KCNK9: variants seen among roughly 807,000 people sequenced by gnomAD.
The protein encoded by KCNK9 is potassium channel subfamily K member 9.
In KCNK9, 1 loss-of-function variant was observed where a neutral mutation model predicts 10.8. That is an observed-to-expected ratio of 0.09 (90% confidence interval 0.03 to 0.44). The LOEUF is 0.44. Among genes scored for constraint, KCNK9 ranks in the 20% least tolerant of loss-of-function variants. The pLI is 0.97. For synonymous variants in KCNK9, 231 were observed against 222.7 expected (o/e 1.04, Z -0.33); for missense variants, 303 against 515.0 (o/e 0.59, Z 3.98).
chr8:139,635,339 G>A (rs540360949), intron 1 of KCNK9, among the ~76,000 whole-genome samples: 2 of 152,382 alleles, frequency 1.3e-5, no homozygotes, highest in African/African-American at 4.8e-5. Context: ...TTCTACATGT[G>A]ACATAGCAGC....
intron 1 of KCNK9, among the ~76,000 whole-genome samples, chr8:139,671,389 G>A (rs1366142225): frequency 6.6e-6 from 1 of 152,236 alleles, no homozygotes; most frequent in African/African-American, 2.4e-5. Flanking sequence ...CCCAGAGGAG[G>A]TGAGAGACGC....
At chr8:139,638,563 G>A (rs1263927341) in intron 1 of KCNK9, among the ~76,000 whole-genome samples, 2 of 152,220 alleles carry the variant, frequency 1.3e-5, no homozygotes, top group African/African-American at 2.4e-5. Flanking sequence ...GGGCACACGG[G>A]CTACTGCAGG....
intron 1 of KCNK9, among the ~76,000 whole-genome samples, chr8:139,647,954 T>G (rs1295138328): frequency 6.6e-6 from 1 of 151,896 alleles, no homozygotes; most frequent in Non-Finnish European, 1.5e-5. Flanking sequence ...CCCAAAGAAA[T>G]GGAAAACAGG....
At chr8:139,607,960 C>T (rs553162629), downstream of KCNK9, among the ~76,000 whole-genome samples, 1 of 152,168 alleles carries the variant, frequency 6.6e-6, no homozygotes, top group South Asian at 2.1e-4. Flanking sequence ...GGGAAAGGAA[C>T]CAGGGTTGGG....
intron 1 of KCNK9, among the ~76,000 whole-genome samples, chr8:139,625,725 G>GAAA (rs113414842): frequency 4.4e-5 from 6 of 137,020 alleles, no homozygotes; most frequent in Non-Finnish European, 6.4e-5. Context: ...AACAAAACAG[G>GAAA]AAAAAAAAAA....
chr8:139,619,250 T>C, intron 1 of KCNK9, 151 bp from the exon 2 acceptor site: 2 of 838,872 alleles, frequency 2.4e-6, no homozygotes, highest in Non-Finnish European at 3.7e-6. Context: ...GGCGTGGCCA[T>C]ATATTGGAGG....
At position 139,677,773 on chromosome 8, in the gene KCNK9, T is replaced by C. The variant is rs1156906808; in HGVS notation, c.283+24937A>G. ...AGTAATACCTCACATCTGATCCCAA[T>C]GTGTCCCCATGGCTGCAGAGTAATA... On this transcript the variant is annotated intron_variant, in intron 1 of 1. Transcript: ENST00000520439. Among the ~76,000 whole-genome samples, 465 of 137,202 alleles carry C rather than the reference T, an allele frequency of 3.4e-3. 8 individuals carry two copies. Among genetic ancestry groups the C allele is most frequent in the African/African-American group, 0.014 (424 of 30,598 alleles). 90.0% of individuals were successfully genotyped at this position (137,202 alleles called of 152,430 possible). A position where few individuals can be genotyped will look rare whatever the true frequency, so the allele number is the denominator to read the frequency against.
chr8:139,607,047 C>T (rs986771868), intron 2 of KCNK9, among the ~76,000 whole-genome samples: 2 of 152,158 alleles, frequency 1.3e-5, no homozygotes, highest in South Asian at 2.1e-4. Context: ...TATAATTAGC[C>T]TTTTTCAGTA....
chr8:139,669,774 A>G (rs993579824), intron 1 of KCNK9, among the ~76,000 whole-genome samples: 6 of 152,178 alleles, frequency 3.9e-5, no homozygotes, highest in African/African-American at 1.4e-4. Context: ...TATTCCTTCT[A>G]AAAGGTTTTC....
Position 139,702,788 on chromosome 8 carries a change from A to G in KCNK9, c.205T>C (p.Ser69Pro). ...TGGACGCCGGCGCGGTGCGGTTCCGACTGCAGGATCACCAGCTCCAGCTGC... is the reference window on the plus strand; with the variant it reads ...TGGACGCCGGCGCGGTGCGGTTCCGGCTGCAGGATCACCAGCTCCAGCTGC... ...YRQLELVILQ[S>P]EPHRAGVQWK... The change falls in exon 1 of 2, where the codon TCG becomes CCG. Residue 69 changes from serine (S) to proline (P), a missense_variant. Physicochemically the swap from Ser to Pro is moderately conservative, Grantham distance 74 (BLOSUM62 -1). This residue lies in a region of KCNK9 where 58 missense variants were observed against 102.4 expected (regional missense o/e 0.57). Transcript: ENST00000520439. The surrounding 1 kb of genome is among the most constrained non-coding windows in gnomAD (Gnocchi z 7.5). 1 of 1,613,536 alleles carries G rather than the reference A, an allele frequency of 6.2e-7. No individual in the cohort carries two copies. The highest frequency in any genetic ancestry group is 8.5e-7 in the Non-Finnish European group (1 of 1,179,862).
At chr8:139,610,165 T>C (rs1814375541), downstream of KCNK9, among the ~76,000 whole-genome samples, 1 of 152,160 alleles carries the variant, frequency 6.6e-6, no homozygotes, top group African/African-American at 2.4e-5. Flanking sequence ...ACAGAGCTTC[T>C]CACCAGGAGC....
chr8:139,690,953 T>G (rs1816923028), intron 1 of KCNK9, among the ~76,000 whole-genome samples: 1 of 152,234 alleles, frequency 6.6e-6, no homozygotes, highest in South Asian at 2.1e-4. Flanking sequence ...GGCACACTGA[T>G]GAAAAGGCAT....
downstream of KCNK9, chr8:139,616,770 G>T (rs1281469967): frequency 6.6e-6 from 1 of 152,234 alleles, no homozygotes; most frequent in African/African-American, 2.4e-5. Flanking sequence ...GAGGATGGAT[G>T]AATGGGTGAT....
At chr8:139,634,961 G>A (rs191949661) in intron 1 of KCNK9, among the ~76,000 whole-genome samples, 335 of 152,254 alleles carry the variant, frequency 2.2e-3, no homozygotes, top group Non-Finnish European at 3.6e-3. Flanking sequence ...CACAGCTGTG[G>A]TGCGAGGCGT....
At chr8:139,604,203 G>GT (rs1230429017) in intron 2 of KCNK9, among the ~76,000 whole-genome samples, 3 of 152,250 alleles carry the variant, frequency 2.0e-5, no homozygotes, top group Non-Finnish European at 4.4e-5. Flanking sequence ...AAGGACTATT[G>GT]TCTGCAGATA....
rs951163227 is a variant in KCNK9, at chr8:139,702,918, C to T, written c.75G>A (p.Val25=). The T allele has an allele frequency of 1.2e-6, 2 of 1,613,354 alleles. No individual in the cohort carries two copies. Among genetic ancestry groups the T allele is most frequent in the Admixed American group, 1.7e-5 (1 of 60,002 alleles). ...TFTYLLVGAA[V]FDALESDHEM... is the part of the protein sequence containing the mutation. Reference sequence around the variant, plus strand: ...CGTGGTCCGACTCGAGGGCGTCGAACACGGCGGCGCCCACCAGCAGGTAGG... The same window carrying T: ...CGTGGTCCGACTCGAGGGCGTCGAATACGGCGGCGCCCACCAGCAGGTAGG... The change falls in exon 1 of 2, where the codon GTG becomes GTA. Residue 25 remains valine, a synonymous_variant. Transcript: ENST00000520439. The surrounding 1 kb of genome is among the most constrained non-coding windows in gnomAD (Gnocchi z 7.5).
chr8:139,685,601 A>G (rs528945103), intron 1 of KCNK9, among the ~76,000 whole-genome samples: 62 of 152,342 alleles, frequency 4.1e-4, no homozygotes, highest in African/African-American at 1.4e-3. Context: ...GTCCCTGCAA[A>G]GGACACGAAC....
chr8:139,656,840 C>A (rs1816034485), intron 1 of KCNK9, among the ~76,000 whole-genome samples: 1 of 152,172 alleles, frequency 6.6e-6, no homozygotes, highest in African/African-American at 2.4e-5. Context: ...CCCCATAGGC[C>A]ACACCATCCA....
downstream of KCNK9, among the ~76,000 whole-genome samples, chr8:139,609,268 G>A (rs980913953): frequency 3.1e-4 from 8 of 25,460 alleles, 1 homozygote; most frequent in South Asian, 1.7e-3. Context: ...CCTACCTAGC[G>A]TGAAGAGTGA....
Sources: gnomAD v4.1 joint callset for allele counts (sites outside exome capture counted in the v4.1 genomes callset) on GRCh38, gnomAD v4.1.1 for gene constraint, gnomAD v4.1.1 regional missense constraint, Gnocchi (gnomAD v3.1) non-coding constraint, MANE v1.5 for transcripts, NCBI Gene and HGNC (gene_info 2026-07-23, HGNC 2026-07-21) for gene names.